TENM2: variants seen among roughly 807,000 people sequenced by gnomAD.
The protein encoded by TENM2 is teneurin transmembrane protein 2, also known as teneurin-2.
A neutral mutation model predicts 245.2 loss-of-function variants in TENM2; 52 were observed. The observed-to-expected ratio is 0.21, with a 90% CI of 0.17 to 0.27. The LOEUF is 0.27. Ranked by LOEUF, TENM2 falls within the 10% of genes least tolerant of loss-of-function variation. The probability of loss-of-function intolerance (pLI) is 1.00; values close to 1 mark genes in which losing one functional copy is unlikely to be tolerated. For synonymous variants in TENM2, 1,363 were observed against 1,438.9 expected (o/e 0.95, Z 1.19); for missense variants, 3,046 against 3,666.8 (o/e 0.83, Z 4.37).
At chr5:168,219,824 C>CAAAAAAAA (rs70976468) in intron 23 of TENM2, among the ~76,000 whole-genome samples, 655 of 49,772 alleles carry the variant, frequency 0.013, 74 homozygotes, top group African/African-American at 0.041. Context: ...GTTGGCACAG[C>CAAAAAAAA]AAAAAAAAAA....
At chr5:168,066,329 G>A (rs953276192) in intron 7 of TENM2, among the ~76,000 whole-genome samples, 9 of 152,072 alleles carry the variant, frequency 5.9e-5, no homozygotes, top group Middle Eastern at 6.3e-3. Context: ...TAGTGGAGGA[G>A]GACATACCAT....
intron 2 of TENM2, among the ~76,000 whole-genome samples, chr5:167,408,033 C>A (rs1251271204): frequency 3.3e-5 from 5 of 152,178 alleles, no homozygotes; most frequent in East Asian, 1.9e-4. Flanking sequence ...CATTCTTCTT[C>A]TGGGGAAATA....
chr5:167,687,487 G>C (rs1561672878), intron 2 of TENM2, among the ~76,000 whole-genome samples: 6 of 152,102 alleles, frequency 3.9e-5, no homozygotes, highest in Admixed American at 3.9e-4. Flanking sequence ...AACTATTTAT[G>C]TGGGAAAAAC....
At chr5:167,976,332 G>A (rs568554971) in intron 4 of TENM2, among the ~76,000 whole-genome samples, 155 of 151,912 alleles carry the variant, frequency 1.0e-3, no homozygotes, top group Non-Finnish European at 7.4e-4. Context: ...CCAGTTTTAC[G>A]GCTGAGAAGA....
the TENM2 span, among the ~76,000 whole-genome samples, chr5:167,039,435 A>G: frequency 6.6e-6 from 1 of 152,226 alleles, no homozygotes; most frequent in Non-Finnish European, 1.5e-5. Flanking sequence ...AACTTGGACT[A>G]TCATACCTCT....
chr5:168,069,975 T>C (rs1260893706), intron 7 of TENM2, among the ~76,000 whole-genome samples: 1 of 151,770 alleles, frequency 6.6e-6, no homozygotes, highest in Non-Finnish European at 1.5e-5. Context: ...TCAAAGAGGG[T>C]GATTATAAAA....
the TENM2 span, among the ~76,000 whole-genome samples, chr5:167,045,869 G>A: frequency 6.6e-6 from 1 of 152,176 alleles, no homozygotes; most frequent in Non-Finnish European, 1.5e-5. Context: ...TGCACTTTAC[G>A]AGATTGAGGG....
intron 5 of TENM2, among the ~76,000 whole-genome samples, chr5:168,034,157 A>G (rs1562077792): frequency 9.6e-6 from 1 of 103,790 alleles, no homozygotes; most frequent in Non-Finnish European, 2.1e-5. Context: ...ATGTGTATAT[A>G]TATATGTATA....
Position 168,198,867 on chromosome 5 carries a change from C to CA in TENM2, c.2918dup (p.Asn973LysfsTer11). The CA allele has an allele frequency of 6.2e-7, 1 of 1,613,842 alleles. No homozygotes were observed. The highest frequency in any genetic ancestry group is 8.5e-7 in the Non-Finnish European group (1 of 1,179,752). Reference sequence around the variant, plus strand: ...TCCCTCTCCAGGTTCGACCTGATCGCAAATGGAGGTGCTTCCTTGACTCTA... The same window carrying CA: ...TCCCTCTCCAGGTTCGACCTGATCGCAAAATGGAGGTGCTTCCTTGACTCTA... On this transcript the variant is annotated frameshift_variant, in exon 16 of 29. Coordinates refer to ENST00000518659, the Ensembl canonical transcript of TENM2. LOFTEE classifies it high-confidence loss of function.
At chr5:167,887,674 A>C (rs933624107) in intron 3 of TENM2, among the ~76,000 whole-genome samples, 2 of 152,206 alleles carry the variant, frequency 1.3e-5, no homozygotes, top group African/African-American at 4.8e-5. Flanking sequence ...CCTTGGAAAT[A>C]GTTGCTTTCA....
At chr5:167,353,268 G>A (rs1258184005) in intron 1 of TENM2, among the ~76,000 whole-genome samples, 1 of 147,914 alleles carries the variant, frequency 6.8e-6, no homozygotes, top group Admixed American at 7.0e-5. Flanking sequence ...AGGGATAAAT[G>A]GTGCTGAACG....
chr5:167,155,044 CTTT>C, the TENM2 span, among the ~76,000 whole-genome samples: 1 of 152,132 alleles, frequency 6.6e-6, no homozygotes, highest in Non-Finnish European at 1.5e-5. Flanking sequence ...TCATATTCTT[CTTT>C]GATATTGCTG....
chr5:167,217,843 C>T, the TENM2 span, among the ~76,000 whole-genome samples: 3 of 151,094 alleles, frequency 2.0e-5, no homozygotes, highest in Admixed American at 1.3e-4. Context: ...CCATAGAAGC[C>T]GACTATGAGA....
chr5:167,932,607 T>C (rs1778373648), intron 3 of TENM2, among the ~76,000 whole-genome samples: 2 of 152,098 alleles, frequency 1.3e-5, no homozygotes, highest in Non-Finnish European at 2.9e-5. Context: ...GGAGACCCTG[T>C]TGAATTAATA....
chr5:167,456,784 G>A (rs1765950980), intron 2 of TENM2, among the ~76,000 whole-genome samples: 1 of 152,070 alleles, frequency 6.6e-6, no homozygotes. Context: ...ATTTATTTGT[G>A]GTAAGCTGAT....
At chr5:168,176,028 T>C (rs954551269) in intron 13 of TENM2, among the ~76,000 whole-genome samples, 1 of 152,260 alleles carries the variant, frequency 6.6e-6, no homozygotes, top group Non-Finnish European at 1.5e-5. Flanking sequence ...ACACAGATTT[T>C]GGGATGCCCC....
intron 2 of TENM2, among the ~76,000 whole-genome samples, chr5:167,635,908 C>T (rs375343999): frequency 0.031 from 4,356 of 141,872 alleles, no homozygotes; most frequent in South Asian, 0.048. Context: ...CCTCCCAAAG[C>T]ACTGGGATTA....
chr5:168,032,207 C>T (rs1424715022), intron 5 of TENM2, among the ~76,000 whole-genome samples: 1 of 152,162 alleles, frequency 6.6e-6, no homozygotes, highest in Non-Finnish European at 1.5e-5. Context: ...GATATTCTAC[C>T]ATATTTAATC....
At chr5:167,468,842 A>T (rs1766831805) in intron 2 of TENM2, among the ~76,000 whole-genome samples, 3 of 152,316 alleles carry the variant, frequency 2.0e-5, no homozygotes, top group Non-Finnish European at 4.4e-5. Flanking sequence ...TTAACATGTG[A>T]TATGCACAGG....
Sources: gnomAD v4.1 joint callset for allele counts (sites outside exome capture counted in the v4.1 genomes callset) on GRCh38, gnomAD v4.1.1 for gene constraint, MANE v1.5 for transcripts, NCBI Gene and HGNC (gene_info 2026-07-23, HGNC 2026-07-21) for gene names.